The following RCOR3 variants were observed in gnomAD, a reference collection of about 807,000 sequenced individuals.
The protein encoded by RCOR3 is REST corepressor 3.
A neutral mutation model predicts 64.1 loss-of-function variants in RCOR3; 13 were observed. The ratio of observed to expected loss-of-function variants is 0.20; its 90% CI spans 0.13 to 0.32. The LOEUF (loss-of-function observed/expected upper bound fraction) is 0.32, where lower values mean the gene tolerates loss of function less well. Ranked by LOEUF, RCOR3 falls within the 10% of genes least tolerant of loss-of-function variation. The pLI is 1.00. For synonymous variants in RCOR3, 215 were observed against 239.0 expected, an observed-to-expected ratio of 0.90 and a Z score of 0.93; for missense variants, 489 against 701.2, an observed-to-expected ratio of 0.70 and a Z score of 3.42.
At position 211,315,515 on chromosome 1, in the gene RCOR3, G is replaced by T. The variant is rs896822095; in HGVS notation, c.*1747G>T. On this transcript the variant is annotated 3_prime_UTR_variant, in exon 12 of 12. Coordinates refer to ENST00000419091, the MANE Select transcript of RCOR3 (RefSeq NM_001136223.3). ...CTGATTTAAAATTCTTAATATTCAA[G>T]AATTTATACTTATTTTTTCCTTAAA... 2 of 152,064 alleles carry T rather than the reference G, an allele frequency of 1.3e-5. No homozygotes were observed. The highest frequency in any genetic ancestry group is 4.8e-5 in the African/African-American group (2 of 41,406). 9.4% of individuals were successfully genotyped at this position (152,064 alleles called of 1,614,324 possible). A position where few individuals can be genotyped will look rare whatever the true frequency, so the allele number is the denominator to read the frequency against.
At chr1:211,266,872 A>G (rs1211281165) in intron 2 of RCOR3, among the ~76,000 whole-genome samples, 1 of 152,220 alleles carries the variant, frequency 6.6e-6, no homozygotes, top group Non-Finnish European at 1.5e-5. Context: ...TAGGAAAGGA[A>G]TCACGTCTGA....
intron 5 of RCOR3, among the ~76,000 whole-genome samples, chr1:211,276,959 G>A (rs1235449294): frequency 1.3e-5 from 2 of 151,796 alleles, no homozygotes; most frequent in Non-Finnish European, 2.9e-5. Context: ...GGTGGCATGC[G>A]CCTGTAGCCC....
chr1:211,311,713 T>A (rs1701503546), intron 10 of RCOR3, among the ~76,000 whole-genome samples: 1 of 152,206 alleles, frequency 6.6e-6, no homozygotes, highest in Admixed American at 6.5e-5. Context: ...TTTTCTGGTA[T>A]TTTTAAAAGC....
chr1:211,289,368 A>C lies in RCOR3; in HGVS notation c.911A>C (p.Asp304Ala), dbSNP rs752276608. The change falls in exon 8 of 12, where the codon GAC becomes GCC. Residue 304 changes from aspartate to alanine, a missense_variant. Transcript: ENST00000419091. The part of the protein sequence containing the change: ...NAANTILRQL[D>A]MELISLKRQV... ...GCCAACACCATCCTGAGGCAACTGG[A>C]CATGGAGTTGATCTCTCTAAAACGT... 6.2e-6 allele frequency: 10 copies of C among 1,613,950 alleles called. No individual in the cohort carries two copies. The Admixed American group carries it at 1.5e-4, about 24-fold the overall frequency.
At chr1:211,288,039 C>T (rs1186923742) in intron 7 of RCOR3, among the ~76,000 whole-genome samples, 2 of 151,566 alleles carry the variant, frequency 1.3e-5, no homozygotes, top group African/African-American at 2.4e-5. Context: ...GTGAGACTCC[C>T]GTCTCTACAA....
At chr1:211,304,040 T>C in intron 9 of RCOR3, 43 bp from the exon 10 acceptor site, 1 of 1,404,604 alleles carries the variant, frequency 7.1e-7, no homozygotes, top group Non-Finnish European at 9.8e-7. Flanking sequence ...GGAAAATGTC[T>C]GTCTTCATAT....
At chr1:211,286,584 G>A (rs1419448804) in intron 7 of RCOR3, among the ~76,000 whole-genome samples, 2 of 152,102 alleles carry the variant, frequency 1.3e-5, no homozygotes, top group Non-Finnish European at 2.9e-5. Flanking sequence ...TGGGATTACA[G>A]GCGTGAGCCA....
chr1:211,309,310 A>G (rs901841097), intron 10 of RCOR3, among the ~76,000 whole-genome samples: 2 of 152,222 alleles, frequency 1.3e-5, no homozygotes, highest in Non-Finnish European at 2.9e-5. Flanking sequence ...GTTAACAAGA[A>G]ATGTTTAAAA....
In RCOR3 at chr1:211,259,440, TCCGCCG is replaced by T. The variant is rs995638991; in HGVS notation, c.-111_-106del. 83 of 993,872 alleles carry T rather than the reference TCCGCCG, an allele frequency of 8.4e-5. No homozygotes were observed. The African/African-American group carries it at 1.1e-3, about 13-fold the overall frequency. 61.6% of individuals were successfully genotyped at this position (993,872 alleles called of 1,614,324 possible). On this transcript the variant is annotated 5_prime_UTR_variant, in exon 1 of 12. Transcript: ENST00000419091. ...CTCCATATTAACAGCCTCCTCCTCC[TCCGCCG>T]CCGCCGCCGTCTCCTCCTCCTCCTC... is the stretch of plus-strand genomic sequence containing the variant.
chr1:211,274,301 A>G (rs755469509), intron 4 of RCOR3, 39 bp downstream of exon 4: 8 of 1,363,604 alleles, frequency 5.9e-6, no homozygotes, highest in South Asian at 2.4e-5. Context: ...GCTTGTCCCA[A>G]TATTTACCAA....
chr1:211,312,784 C>A lies in RCOR3; in HGVS notation c.1140C>A (p.Gly380=). 2 of 1,614,178 alleles carry A rather than the reference C, an allele frequency of 1.2e-6. No homozygotes were observed. Among genetic ancestry groups the A allele is most frequent in the Non-Finnish European group, 1.7e-6 (2 of 1,180,026 alleles). The change falls in exon 11 of 12, where the codon GGC becomes GGA. Residue 380 remains glycine, a synonymous_variant. Coordinates refer to ENST00000419091, the MANE Select transcript of RCOR3 (RefSeq NM_001136223.3). The surrounding 1 kb of genome is among the most constrained non-coding windows in gnomAD (Gnocchi z 5.0). The part of the protein sequence containing the change: ...IADVIGNKTV[G]QVKNFFVNYR... Reference sequence around the variant, plus strand: ...ATGTAATTGGCAACAAGACTGTTGGCCAAGTGAAGAACTTCTTTGTAAACT... The same window carrying A: ...ATGTAATTGGCAACAAGACTGTTGGACAAGTGAAGAACTTCTTTGTAAACT...
chr1:211,313,359 C>T lies in RCOR3; in HGVS notation c.1318-65C>T. The T allele has an allele frequency of 6.5e-7, 1 of 1,531,932 alleles. No individual in the cohort carries two copies. Among genetic ancestry groups the T allele is most frequent in the South Asian group, 1.3e-5 (1 of 77,210 alleles). 94.9% of individuals were successfully genotyped at this position (1,531,932 alleles called of 1,614,324 possible). A position where few individuals can be genotyped will look rare whatever the true frequency, so the allele number is the denominator to read the frequency against. On this transcript the variant is annotated intron_variant, in intron 11 of 11. Coordinates refer to ENST00000419091, the MANE Select transcript of RCOR3 (RefSeq NM_001136223.3). The surrounding 1 kb of genome is among the most constrained non-coding windows in gnomAD (Gnocchi z 4.7). ...TTTGTTTTTCCTGTGACAGCCCAAA[C>T]TATATTGTATTAAGTTCATTAGGAC... is the stretch of plus-strand genomic sequence containing the variant.
At chr1:211,281,910 A>G (rs995410002) in intron 7 of RCOR3, among the ~76,000 whole-genome samples, 1 of 152,176 alleles carries the variant, frequency 6.6e-6, no homozygotes, top group Non-Finnish European at 1.5e-5. Flanking sequence ...GAGCAAGAAT[A>G]TATTTTAACT....
At chr1:211,301,584 C>T (rs1044048961) in intron 9 of RCOR3, 2 of 152,128 alleles carry the variant, frequency 1.3e-5, no homozygotes, top group African/African-American at 4.8e-5. Context: ...ACACAAATCC[C>T]GTTTTCCCTT....
chr1:211,306,943 C>T (rs997293749), intron 10 of RCOR3, among the ~76,000 whole-genome samples: 1 of 152,090 alleles, frequency 6.6e-6, no homozygotes, highest in Non-Finnish European at 1.5e-5. Flanking sequence ...TAATTTAATC[C>T]TCTTAAAATA....
rs777370161 is a variant in RCOR3 at position 211,281,584 on chromosome 1, T to A, written c.720+2268T>A. Among the ~76,000 whole-genome samples, 12 of 152,314 alleles carry A rather than the reference T, an allele frequency of 7.9e-5. No homozygotes were observed. In the South Asian group the frequency reaches 1.2e-3, roughly 16 times the overall value. ...CGTCTGTAGGATAAAACACAAACTCTCCAGTTAGGCATTCCTTACCCTTCC... is the reference window on the plus strand; with the variant it reads ...CGTCTGTAGGATAAAACACAAACTCACCAGTTAGGCATTCCTTACCCTTCC... On this transcript the variant is annotated intron_variant, in intron 7 of 11. Coordinates refer to ENST00000419091, the MANE Select transcript of RCOR3 (RefSeq NM_001136223.3).
intron 2 of RCOR3, among the ~76,000 whole-genome samples, chr1:211,269,919 G>A (rs1336702591): frequency 6.6e-6 from 1 of 152,128 alleles, no homozygotes; most frequent in Non-Finnish European, 1.5e-5. Flanking sequence ...CTCGAGGCCA[G>A]TAGTTCAAGA....
chr1:211,275,984 G>T (rs1471991840), intron 4 of RCOR3, among the ~76,000 whole-genome samples: 1 of 152,108 alleles, frequency 6.6e-6, no homozygotes, highest in African/African-American at 2.4e-5. Flanking sequence ...CTACAAATCT[G>T]CTTTGTAGTC....
At chr1:211,275,705 A>C (rs933371535) in intron 4 of RCOR3, among the ~76,000 whole-genome samples, 4 of 152,178 alleles carry the variant, frequency 2.6e-5, no homozygotes, top group Non-Finnish European at 5.9e-5. Context: ...AATTCTATTT[A>C]TATGTTCTGA....
Sources: allele counts gnomAD v4.1 joint callset (sites outside exome capture counted in the v4.1 genomes callset), GRCh38; gene constraint gnomAD v4.1.1; non-coding constraint Gnocchi (gnomAD v3.1); transcripts MANE v1.5; gene names NCBI Gene and HGNC (gene_info 2026-07-23, HGNC 2026-07-21).